COL23A1: variants seen among roughly 807,000 people sequenced by gnomAD.
COL23A1 encodes collagen type XXIII alpha 1 chain.
COL23A1 carries 97 observed loss-of-function variants against 99.3 expected under a neutral mutation model. The observed-to-expected ratio is 0.98, with a 90% CI of 0.83 to 1.16. The LOEUF is 1.16. Ranked by LOEUF, COL23A1 falls within the 50% of genes most tolerant of loss-of-function variation. COL23A1 has a pLI of 0.00. For missense variants in COL23A1, 762 were observed against 757.4 expected, an observed-to-expected ratio of 1.01 and a Z score of -0.07; for synonymous variants, 320 against 308.2, an observed-to-expected ratio of 1.04 and a Z score of -0.40.
At chr5:178,555,762 C>T (rs1474942361) in intron 2 of COL23A1, among the ~76,000 whole-genome samples, 1 of 152,202 alleles carries the variant, frequency 6.6e-6, no homozygotes, top group Non-Finnish European at 1.5e-5. Context: ...TTCCCAGGCT[C>T]CAAGGTGCCG....
chr5:178,269,265 C>T (rs1005416610), intron 6 of COL23A1, among the ~76,000 whole-genome samples: 5 of 151,972 alleles, frequency 3.3e-5, no homozygotes, highest in African/African-American at 9.7e-5. Flanking sequence ...GTATGGGTTC[C>T]ATCTGTCCAT....
chr5:178,480,135 T>C (rs140687240), intron 2 of COL23A1, among the ~76,000 whole-genome samples: 7 of 151,674 alleles, frequency 4.6e-5, no homozygotes, highest in African/African-American at 1.2e-4. Flanking sequence ...TGGTGCATGA[T>C]TGTACTCCAG....
intron 16 of COL23A1, among the ~76,000 whole-genome samples, chr5:178,254,127 C>A (rs1765180696): frequency 6.6e-6 from 1 of 152,110 alleles, no homozygotes; most frequent in Non-Finnish European, 1.5e-5. Flanking sequence ...TCACACCCAG[C>A]CTGGGCGACA....
In COL23A1 at chr5:178,321,719, G is replaced by A. The variant is rs182187617; in HGVS notation, c.362-14800C>T. On this transcript the variant is annotated intron_variant, in intron 2 of 28. Coordinates refer to ENST00000390654, the MANE Select transcript of COL23A1 (RefSeq NM_173465.4). ...TTAGCCAGGATGGTCTCTATCTCCC[G>A]ACCTTGTGATCCACCCGCCTCAGCC... is the stretch of plus-strand genomic sequence containing the variant. Among the ~76,000 whole-genome samples, 311 of 151,912 alleles carry A rather than the reference G, an allele frequency of 2.0e-3. 4 individuals carry two copies. The highest frequency in any genetic ancestry group is 7.4e-3 in the African/African-American group (307 of 41,442).
intron 2 of COL23A1, among the ~76,000 whole-genome samples, chr5:178,327,700 C>T (rs1339778417): frequency 6.6e-6 from 1 of 152,080 alleles, no homozygotes; most frequent in Non-Finnish European, 1.5e-5. Flanking sequence ...TGGCCCTCTG[C>T]ACCCTCTGTC....
intron 3 of COL23A1, among the ~76,000 whole-genome samples, chr5:178,290,728 A>G (rs1380092567): frequency 2.0e-5 from 3 of 152,100 alleles, no homozygotes; most frequent in African/African-American, 2.4e-5. Context: ...GTTTATTTCT[A>G]TTGAGGGCAG....
rs747284340 is a variant in COL23A1, at chr5:178,340,855, G to A, written c.362-33936C>T. Among the ~76,000 whole-genome samples the A allele has an allele frequency of 1.3e-5, 2 of 152,224 alleles. No homozygotes were observed. The highest frequency in any genetic ancestry group is 2.1e-4 in the South Asian group (1 of 4,836). ...GTTGCTCTCTTTGCAAGCATGAAGC[G>A]TGAGGCCAGGCAGCATGGCTGATGT... On this transcript the variant is annotated intron_variant, in intron 2 of 28. Transcript: ENST00000390654. This position sits in a 1 kb window ranked among gnomAD's most constrained non-coding sequence, Gnocchi z 4.7.
At chr5:178,311,271 T>C (rs1054040874) in intron 2 of COL23A1, among the ~76,000 whole-genome samples, 13 of 152,118 alleles carry the variant, frequency 8.5e-5, no homozygotes, top group African/African-American at 2.9e-4. Flanking sequence ...CTCAACCTCA[T>C]TGAACCTTAG....
At chr5:178,389,752 T>C (rs1358230928) in intron 2 of COL23A1, among the ~76,000 whole-genome samples, 1 of 152,190 alleles carries the variant, frequency 6.6e-6, no homozygotes, top group Non-Finnish European at 1.5e-5. Flanking sequence ...AGGAGCTCCA[T>C]GTCACATGGC....
At chr5:178,543,677 C>A (rs1208266013) in intron 2 of COL23A1, among the ~76,000 whole-genome samples, 1 of 152,132 alleles carries the variant, frequency 6.6e-6, no homozygotes, top group Non-Finnish European at 1.5e-5. Flanking sequence ...TCTCTCAGCT[C>A]CTCCTCCATC....
chr5:178,270,253 C>T (rs1756209449), intron 6 of COL23A1, 84 bp downstream of exon 6: 13 of 1,523,598 alleles, frequency 8.5e-6, no homozygotes, highest in Non-Finnish European at 1.1e-5. Flanking sequence ...GTGGCTGCTT[C>T]CCTCCAGTGC....
intron 2 of COL23A1, among the ~76,000 whole-genome samples, chr5:178,476,730 A>G (rs533191736): frequency 3.9e-5 from 6 of 152,338 alleles, no homozygotes; most frequent in Middle Eastern, 3.4e-3. Flanking sequence ...GGGCGGGGCC[A>G]CTTTGGCCAG....
chr5:178,515,097 T>C (rs545457448), intron 2 of COL23A1, among the ~76,000 whole-genome samples: 10 of 152,350 alleles, frequency 6.6e-5, no homozygotes, highest in Middle Eastern at 3.4e-3. Context: ...GTGCTGTGCA[T>C]GCTTCTGGGA....
At chr5:178,321,387 A>G (rs1759295686) in intron 2 of COL23A1, among the ~76,000 whole-genome samples, 1 of 151,838 alleles carries the variant, frequency 6.6e-6, no homozygotes, top group Non-Finnish European at 1.5e-5. Context: ...AGCGGAGCTC[A>G]GCAGCATTTG....
At chr5:178,576,187 C>T (rs1310714397) in intron 1 of COL23A1, among the ~76,000 whole-genome samples, 3 of 152,198 alleles carry the variant, frequency 2.0e-5, no homozygotes, top group African/African-American at 7.2e-5. Flanking sequence ...CTAAAGCATA[C>T]TGGCTGAAAA....
chr5:178,536,685 G>A (rs570811810), intron 2 of COL23A1, among the ~76,000 whole-genome samples: 151 of 152,216 alleles, frequency 9.9e-4, no homozygotes, highest in Non-Finnish European at 1.5e-3. Context: ...TTCAGGGTGC[G>A]ATGAGGGCAT....
At chr5:178,562,248 A>C (rs751675200) in intron 1 of COL23A1, 1 of 322,804 alleles carries the variant, frequency 3.1e-6, no homozygotes, top group African/African-American at 2.3e-5. Flanking sequence ...TCTCAAAAAA[A>C]GAAAAAAAAA....
chr5:178,518,391 CG>C (rs1377635238), intron 2 of COL23A1, among the ~76,000 whole-genome samples: 1 of 151,198 alleles, frequency 6.6e-6, no homozygotes, highest in Non-Finnish European at 1.5e-5. Flanking sequence ...CATCCTGGCC[CG>C]TTCTCAATGA....
At chr5:178,358,274 G>GTGTATA (rs1561896976) in intron 2 of COL23A1, among the ~76,000 whole-genome samples, 3 of 93,182 alleles carry the variant, frequency 3.2e-5, no homozygotes, top group Non-Finnish European at 6.6e-5. Flanking sequence ...GTGTGTATAT[G>GTGTATA]TGTGTATGCG....
Sources: allele counts gnomAD v4.1 joint callset (sites outside exome capture counted in the v4.1 genomes callset), GRCh38; gene constraint gnomAD v4.1.1; non-coding constraint Gnocchi (gnomAD v3.1); transcripts MANE v1.5; gene names NCBI Gene and HGNC (gene_info 2026-07-23, HGNC 2026-07-21).